The following TTLL3 variants were observed in gnomAD, a reference collection of about 807,000 sequenced individuals.
TTLL3 encodes the protein tubulin tyrosine ligase like 3.
A neutral mutation model predicts 75.2 loss-of-function variants in TTLL3; 63 were observed. The observed-to-expected ratio is 0.84, with a 90% CI of 0.68 to 1.03. The LOEUF is 1.03. Among genes scored for constraint, TTLL3 ranks in the 50% least tolerant of loss-of-function variants. TTLL3 has a pLI of 0.00. For synonymous variants in TTLL3, 393 were observed against 418.5 expected (o/e 0.94, Z 0.74); for missense variants, 997 against 1,069.9 (o/e 0.93, Z 0.95).
At chr3:9,811,079 C>T (rs2065524620) in intron 2 of TTLL3, among the ~76,000 whole-genome samples, 1 of 152,188 alleles carries the variant, frequency 6.6e-6, no homozygotes, top group Non-Finnish European at 1.5e-5. Flanking sequence ...TCCTTTCTCC[C>T]TCTTTGGCTG....
At chr3:9,816,318 T>A in intron 5 of TTLL3, 116 bp downstream of exon 5, 1 of 1,125,726 alleles carries the variant, frequency 8.9e-7, no homozygotes, top group Non-Finnish European at 1.2e-6. Flanking sequence ...AGGGGAAGTA[T>A]ACAATTCAGA....
rs143567017 is a variant in TTLL3 at position 9,825,830 on chromosome 3, T to C, written c.885T>C (p.Thr295=). Residue 295 remains threonine (T), a synonymous_variant, in exon 9 of 14, where the codon ACT becomes ACC. Coordinates refer to ENST00000685419, the MANE Select transcript of TTLL3 (RefSeq NM_001387446.1). The stretch of plus-strand genomic sequence containing the variant: ...GGGCAGAACTCAGGCACCTCGACAC[T>C]CAGGTCCAGCGCTGTGAGGACATCC... ...HEGAELRHLD[T]QVQRCEDILQ... The C allele has an allele frequency of 1.1e-5, 17 of 1,613,884 alleles. No homozygotes were observed. The highest frequency in any genetic ancestry group is 1.4e-5 in the Non-Finnish European group (16 of 1,180,010).
At chr3:9,819,448 G>A (rs995955507) in intron 7 of TTLL3, 121 of 975,422 alleles carry the variant, frequency 1.2e-4, no homozygotes, top group Non-Finnish European at 1.4e-4. Flanking sequence ...ATGTAGCCGA[G>A]CACCCTGGAG....
At chr3:9,820,765 T>C in intron 8 of TTLL3, 24 bp downstream of exon 8, 3 of 1,612,578 alleles carry the variant, frequency 1.9e-6, no homozygotes, top group Non-Finnish European at 1.7e-6. Context: ...AGCTGGGACT[T>C]TGGGCTGTGG....
chr3:9,824,737 C>CTTTTTTTTTTTT (rs71052207), intron 8 of TTLL3, among the ~76,000 whole-genome samples: 4 of 80,678 alleles, frequency 5.0e-5, no homozygotes, highest in Admixed American at 1.6e-4. Context: ...CTTTTCTTTT[C>CTTTTTTTTTTTT]TTTTTTTTTT....
At chr3:9,823,342 C>T (rs951091084) in intron 8 of TTLL3, among the ~76,000 whole-genome samples, 2 of 151,410 alleles carry the variant, frequency 1.3e-5, no homozygotes, top group Admixed American at 6.6e-5. Flanking sequence ...CGAGATCGCG[C>T]CACTGCACTC....
rs117149479 is a variant in TTLL3, at chr3:9,813,729, G to C, written c.315+384G>C. 5.0e-3 allele frequency among the ~76,000 whole-genome samples: 757 copies of C among 152,244 alleles called. 19 individuals carry two copies. Among genetic ancestry groups the C allele is most frequent in the East Asian group, 0.047 (243 of 5,178 alleles). ...GAACCTGGGAATTACAGGCTGCAGT[G>C]AGCTATGATCGCACCATTGCACTCC... On this transcript the variant is annotated intron_variant, in intron 4 of 13. Coordinates refer to ENST00000685419, the MANE Select transcript of TTLL3 (RefSeq NM_001387446.1).
intron 7 of TTLL3, chr3:9,819,136 C>A: frequency 3.4e-6 from 2 of 595,992 alleles, no homozygotes; most frequent in Non-Finnish European, 5.8e-6. Context: ...TCTACCGATT[C>A]ACCCACCCAC....
intron 9 of TTLL3, 126 bp from the exon 10 acceptor site, chr3:9,826,871 A>G: frequency 6.7e-7 from 1 of 1,501,350 alleles, no homozygotes; most frequent in Non-Finnish European, 8.9e-7. Flanking sequence ...CTGGGTTCTG[A>G]TTGAGGGAGA....
At position 9,820,538 on chromosome 3, in the gene TTLL3, A is replaced by G. The variant is rs957905384; in HGVS notation, c.659-8A>G. On this transcript the variant is annotated splice_region_variant and splice_polypyrimidine_tract_variant and intron_variant, in intron 7 of 13. Transcript: ENST00000685419. ...ATGGGATCGTGACAGGCCCCTCCCT[A>G]TGTGCAGGAGACAAGCAGCCCAAGA... The G allele has an allele frequency of 6.2e-7, 1 of 1,613,758 alleles. No homozygotes were observed. The highest frequency in any genetic ancestry group is 2.2e-5 in the East Asian group (1 of 44,874).
chr3:9,810,711 TC>T lies in TTLL3; in HGVS notation c.48+3del, dbSNP rs1329401349. 1 of 1,583,936 alleles carries T rather than the reference TC, an allele frequency of 6.3e-7. No homozygotes were observed. The highest frequency in any genetic ancestry group is 2.3e-5 in the East Asian group (1 of 43,928). ...ATCTACGTGGAGAGAGCTGTCAAGG[TC>T]AGAGGAGGGGCAGGGGCGCTTAGAA... On this transcript the variant is annotated splice_donor_region_variant and intron_variant, in intron 2 of 13. Coordinates refer to ENST00000685419, the MANE Select transcript of TTLL3 (RefSeq NM_001387446.1). The surrounding 1 kb of genome is among the most constrained non-coding windows in gnomAD (Gnocchi z 4.4).
chr3:9,820,061 A>C, intron 7 of TTLL3: 1 of 991,924 alleles, frequency 1.0e-6, no homozygotes, highest in Non-Finnish European at 1.2e-6. Flanking sequence ...GTGCAGTAAC[A>C]GTGCACACAG....
chr3:9,820,633 A>C lies in TTLL3; in HGVS notation c.746A>C (p.Tyr249Ser), dbSNP rs928630307. 1 of 1,613,908 alleles carries C rather than the reference A, an allele frequency of 6.2e-7. No individual in the cohort carries two copies. Among genetic ancestry groups the C allele is most frequent in the Admixed American group, 1.7e-5 (1 of 59,970 alleles). ...VDEALCACEE[Y>S]LSNLAHMDID... ...GAAGCTCTGTGTGCGTGCGAGGAGT[A>C]CCTTAGCAACTTGGCCCACATGGAC... Residue 249 changes from tyrosine (Y) to serine (S), a missense_variant, in exon 8 of 14, where the codon TAC (tyrosine) becomes TCC (serine). Tyr to Ser is a moderately radical substitution (Grantham distance 144). Transcript: ENST00000685419.
In TTLL3 at chr3:9,820,700, G is replaced by T. The variant is rs1358091376; in HGVS notation, c.813G>T (p.Glu271Asp). ...AGGCCCCGCTGTACCTCACCCCCGA[G>T]GGCTGGTCCCTCTTCCTCCAGCGCT... ...DLEAPLYLTP[E>D]GWSLFLQRYY... Residue 271 changes from glutamate (E) to aspartate (D), a missense_variant, in exon 8 of 14, where the codon GAG becomes GAT. Coordinates refer to ENST00000685419, the MANE Select transcript of TTLL3 (RefSeq NM_001387446.1). The T allele has an allele frequency of 6.2e-7, 1 of 1,614,014 alleles. No individual in the cohort carries two copies. The highest frequency in any genetic ancestry group is 8.5e-7 in the Non-Finnish European group (1 of 1,180,026).
chr3:9,813,098 C>A lies in TTLL3; in HGVS notation c.204C>A (p.Asp68Glu). The A allele has an allele frequency of 6.3e-7, 1 of 1,580,966 alleles. No individual in the cohort carries two copies. The highest frequency in any genetic ancestry group is 8.6e-7 in the Non-Finnish European group (1 of 1,160,592). The change falls in exon 3 of 14, where the codon GAC becomes GAA. Residue 68 changes from aspartate (D) to glutamate (E), a missense_variant. Transcript: ENST00000685419. ...DLDSSAMGDSDTTEDEDEDED... is the reference protein window; with the variant it reads ...DLDSSAMGDSETTEDEDEDED... ...ATAGCTCAGCGATGGGTGACAGTGA[C>A]ACCACTGAGGATGGTGAGTGGTTCC...
Position 9,834,902 on chromosome 3 carries a change from AG to A in TTLL3, c.2048del (p.Arg683LysfsTer23). ...GGTGGCACCCAGCATCCTGAAGCCA[AG>A]AAAGGTGGGCCTCGACCTGTGACTC... Reference protein sequence around the residue: ...FKVAPSILKPRKAPALLCLRG... With the variant: ...FKVAPSILKPXKAPALLCLRG... On this transcript the variant is annotated frameshift_variant, in exon 13 of 14. Transcript: ENST00000685419. LOFTEE classifies it low-confidence loss of function (END_TRUNC). 6.2e-7 allele frequency: 1 copy of A among 1,614,214 alleles called. No individual in the cohort carries two copies. The highest frequency in any genetic ancestry group is 1.1e-5 in the South Asian group (1 of 91,082).
At position 9,820,279 on chromosome 3, in the gene TTLL3, T is replaced by C. The variant is rs2080287083; in HGVS notation, c.659-267T>C. The C allele has an allele frequency of 2.3e-6, 3 of 1,288,334 alleles. No individual in the cohort carries two copies. The South Asian group carries it at 6.2e-5, about 27-fold the overall frequency. The allele number at this position is 1,288,334 out of a possible 1,614,324, so 79.8% of individuals were successfully genotyped here. On this transcript the variant is annotated intron_variant, in intron 7 of 13. Coordinates refer to ENST00000685419, the MANE Select transcript of TTLL3 (RefSeq NM_001387446.1). ...AGAGGTCCCAGGGGCAGAGAGGCTATAGGTGCTGTCAGAGGCCTTGGGGAC... is the reference window on the plus strand; with the variant it reads ...AGAGGTCCCAGGGGCAGAGAGGCTACAGGTGCTGTCAGAGGCCTTGGGGAC...
At position 9,820,641 on chromosome 3, in the gene TTLL3, A is replaced by G. The variant is rs756859027; in HGVS notation, c.754A>G (p.Asn252Asp). The G allele has an allele frequency of 5.0e-6, 8 of 1,613,976 alleles. No homozygotes were observed. The highest frequency in any genetic ancestry group is 4.4e-5 in the South Asian group (4 of 91,090). ...GTGTGCGTGCGAGGAGTACCTTAGC[A>G]ACTTGGCCCACATGGACATCGACAA... ...ALCACEEYLS[N>D]LAHMDIDKDL... is the part of the protein sequence containing the mutation. The change falls in exon 8 of 14, where the codon AAC (asparagine) becomes GAC (aspartate). Residue 252 changes from asparagine to aspartate, a missense_variant. Physicochemically the swap from Asn to Asp is conservative, Grantham distance 23 (BLOSUM62 1). Coordinates refer to ENST00000685419, the MANE Select transcript of TTLL3 (RefSeq NM_001387446.1).
chr3:9,824,705 G>A (rs182855717), intron 8 of TTLL3, among the ~76,000 whole-genome samples: 31 of 149,094 alleles, frequency 2.1e-4, no homozygotes, highest in Admixed American at 1.5e-3. Context: ...CACTATGCCC[G>A]TCCCAGTTTA....
Sources: gnomAD v4.1 joint callset for allele counts (sites outside exome capture counted in the v4.1 genomes callset) on GRCh38, gnomAD v4.1.1 for gene constraint, Gnocchi (gnomAD v3.1) non-coding constraint, MANE v1.5 for transcripts, NCBI Gene and HGNC (gene_info 2026-07-23, HGNC 2026-07-21) for gene names.